Variants in SLC24A3 observed in about 807,000 individuals in gnomAD.
SLC24A3 encodes solute carrier family 24 member 3, also known as sodium/potassium/calcium exchanger 3.
SLC24A3 carries 28 observed loss-of-function variants against 75.8 expected under a neutral mutation model. The observed-to-expected ratio is 0.37, with a 90% confidence interval of 0.27 to 0.51. SLC24A3 has a LOEUF of 0.51. Ranked by LOEUF, SLC24A3 falls within the 20% of genes least tolerant of loss-of-function variation. SLC24A3 has a pLI of 0.94. For synonymous variants in SLC24A3, 372 were observed against 334.1 expected (o/e 1.11, Z -1.24); for missense variants, 663 against 847.8 (o/e 0.78, Z 2.71).
intron 2 of SLC24A3, among the ~76,000 whole-genome samples, chr20:19,410,210 C>G (rs1004666292): frequency 6.6e-6 from 1 of 152,018 alleles, no homozygotes; most frequent in Non-Finnish European, 1.5e-5. Flanking sequence ...CATTAGAGGC[C>G]TAGAAAAAAT....
chr20:19,647,318 G>T (rs1270032101), intron 6 of SLC24A3, among the ~76,000 whole-genome samples: 1 of 152,090 alleles, frequency 6.6e-6, no homozygotes, highest in East Asian at 1.9e-4. Context: ...TAAACTATTT[G>T]CACTCAAATC....
chr20:19,323,219 A>G (rs1984756227), intron 2 of SLC24A3, among the ~76,000 whole-genome samples: 1 of 151,494 alleles, frequency 6.6e-6, no homozygotes, highest in East Asian at 1.9e-4. Flanking sequence ...AAAAAAAAAA[A>G]AAAAAAAGAA....
At chr20:19,361,925 G>A (rs1249892065) in intron 2 of SLC24A3, among the ~76,000 whole-genome samples, 5 of 152,074 alleles carry the variant, frequency 3.3e-5, no homozygotes, top group Admixed American at 6.6e-5. Context: ...TCAGCCTTTG[G>A]GGGTTGCTCT....
intron 2 of SLC24A3, among the ~76,000 whole-genome samples, chr20:19,287,595 G>A (rs1983846923): frequency 6.6e-6 from 1 of 152,186 alleles, no homozygotes; most frequent in Non-Finnish European, 1.5e-5. Context: ...TGCCAAGGCT[G>A]GCTATAGCTC....
chr20:19,510,528 C>T (rs1308362559), intron 2 of SLC24A3, among the ~76,000 whole-genome samples: 1 of 152,182 alleles, frequency 6.6e-6, no homozygotes, highest in Non-Finnish European at 1.5e-5. Context: ...TCCCACTTCC[C>T]AGATTCATAT....
chr20:19,533,659 T>G (rs1254888115), intron 3 of SLC24A3, among the ~76,000 whole-genome samples: 2 of 152,134 alleles, frequency 1.3e-5, no homozygotes, highest in Non-Finnish European at 2.9e-5. Context: ...TGGGTCAAGA[T>G]GGGAGATGGC....
intron 2 of SLC24A3, among the ~76,000 whole-genome samples, chr20:19,489,990 G>C (rs1988185281): frequency 1.3e-5 from 2 of 152,176 alleles, no homozygotes. Context: ...AGTGTGGAAA[G>C]TTTGTGTCCT....
chr20:19,569,785 G>A (rs540035851), intron 3 of SLC24A3, among the ~76,000 whole-genome samples: 15 of 152,226 alleles, frequency 9.9e-5, no homozygotes, highest in Admixed American at 7.8e-4. Context: ...CAGCAACTCC[G>A]TGTCCTCTTG....
chr20:19,424,760 A>C (rs71331870), intron 2 of SLC24A3, among the ~76,000 whole-genome samples: 43,096 of 143,984 alleles, frequency 0.3, 7,963 homozygotes, highest in Middle Eastern at 0.5. Context: ...AAAAAAAAAA[A>C]AAAAAAAAAA....
rs559853097 is a variant in SLC24A3 at position 19,575,584 on chromosome 20, A to G, written c.349-4416A>G. Among the ~76,000 whole-genome samples the G allele has an allele frequency of 1.2e-4, 18 of 152,142 alleles. No individual in the cohort carries two copies. In the South Asian group the frequency reaches 3.5e-3, roughly 30 times the overall value. On this transcript the variant is annotated intron_variant, in intron 3 of 16. Transcript: ENST00000328041. ...ACTAAAGCTGAAATTCCAAAAGACC[A>G]CCCATCTTCTCTAAATGCCTATCAT... is the stretch of plus-strand genomic sequence containing the variant.
At chr20:19,258,247 A>C (rs569082611) in intron 1 of SLC24A3, among the ~76,000 whole-genome samples, 33 of 152,166 alleles carry the variant, frequency 2.2e-4, no homozygotes, top group African/African-American at 8.0e-4. Context: ...TTCCCACCCC[A>C]TGAGCTCTTC....
intron 3 of SLC24A3, among the ~76,000 whole-genome samples, chr20:19,549,807 A>G (rs535858587): frequency 1.2e-4 from 19 of 152,278 alleles, no homozygotes; most frequent in Middle Eastern, 3.4e-3. Flanking sequence ...AACAATACAA[A>G]CAAAAAACCT....
intron 1 of SLC24A3, among the ~76,000 whole-genome samples, chr20:19,254,101 T>A (rs1034108293): frequency 1.3e-5 from 2 of 152,190 alleles, no homozygotes; most frequent in South Asian, 2.1e-4. Flanking sequence ...AAATTGGGGA[T>A]TTTTTATGAC....
chr20:19,516,984 G>A (rs892146984), intron 3 of SLC24A3, among the ~76,000 whole-genome samples: 15 of 152,092 alleles, frequency 9.9e-5, no homozygotes, highest in African/African-American at 3.6e-4. Flanking sequence ...CTTGACTCTG[G>A]GTAAAATCAA....
intron 3 of SLC24A3, among the ~76,000 whole-genome samples, chr20:19,577,759 A>G (rs1298595554): frequency 6.6e-6 from 1 of 152,228 alleles, no homozygotes; most frequent in Non-Finnish European, 1.5e-5. Flanking sequence ...TGTATTATGA[A>G]TGCCTTTCCT....
At chr20:19,232,382 G>T (rs970476953) in intron 1 of SLC24A3, among the ~76,000 whole-genome samples, 1 of 152,096 alleles carries the variant, frequency 6.6e-6, no homozygotes, top group East Asian at 1.9e-4. Flanking sequence ...TTGTATTTTT[G>T]ACTTTTAAAT....
At chr20:19,622,058 C>T (rs1442822594) in intron 6 of SLC24A3, among the ~76,000 whole-genome samples, 1 of 152,186 alleles carries the variant, frequency 6.6e-6, no homozygotes, top group African/African-American at 2.4e-5. Context: ...TTTTTGTGCA[C>T]TTGCAGAGTC....
chr20:19,423,307 C>A (rs1030418257), intron 2 of SLC24A3, among the ~76,000 whole-genome samples: 2 of 152,208 alleles, frequency 1.3e-5, no homozygotes, highest in Non-Finnish European at 2.9e-5. Flanking sequence ...TCCTGCTTTC[C>A]CGCTCAGCCC....
At chr20:19,236,788 A>T (rs1352119038) in intron 1 of SLC24A3, among the ~76,000 whole-genome samples, 1 of 152,006 alleles carries the variant, frequency 6.6e-6, no homozygotes, top group Non-Finnish European at 1.5e-5. Flanking sequence ...AAAACAAACA[A>T]ACTTAACATG....
Sources: gnomAD v4.1 joint callset for allele counts (sites outside exome capture counted in the v4.1 genomes callset) on GRCh38, gnomAD v4.1.1 for gene constraint, MANE v1.5 for transcripts, NCBI Gene and HGNC (gene_info 2026-07-23, HGNC 2026-07-21) for gene names.